KDM5A: variants seen among roughly 807,000 people sequenced by gnomAD.
KDM5A encodes lysine-specific demethylase 5A.
A neutral mutation model predicts 193.5 loss-of-function variants in KDM5A; 42 were observed. The ratio of observed to expected loss-of-function variants is 0.22; its 90% confidence interval spans 0.17 to 0.28. KDM5A has a LOEUF of 0.28. Among genes scored for constraint, KDM5A ranks in the 10% least tolerant of loss-of-function variants. The pLI is 1.00. For missense variants in KDM5A, 1,692 were observed against 2,055.1 expected, an observed-to-expected ratio of 0.82 and a Z score of 3.42; for synonymous variants, 796 against 718.1, an observed-to-expected ratio of 1.11 and a Z score of -1.73.
At chr12:352,408 T>A in intron 8 of KDM5A, 84 bp from the exon 9 acceptor site, 1 of 1,251,054 alleles carries the variant, frequency 8.0e-7, no homozygotes, top group African/African-American at 1.5e-5. Context: ...AATTCTTTGA[T>A]CATTTCCCTA....
intron 24 of KDM5A, among the ~76,000 whole-genome samples, chr12:302,059 G>T (rs947570119): frequency 6.6e-6 from 1 of 152,148 alleles, no homozygotes; most frequent in Admixed American, 6.5e-5. Context: ...CATGCTCATG[G>T]GTAGGAAGAA....
At chr12:382,450 C>T (rs1291090969) in intron 3 of KDM5A, among the ~76,000 whole-genome samples, 2 of 145,276 alleles carry the variant, frequency 1.4e-5, no homozygotes, top group East Asian at 2.1e-4. Context: ...GCAACAAGGG[C>T]GTGACTCCAT....
intron 3 of KDM5A, among the ~76,000 whole-genome samples, chr12:373,126 T>C (rs1382896721): frequency 6.6e-6 from 1 of 152,202 alleles, no homozygotes; most frequent in Non-Finnish European, 1.5e-5. Context: ...TAGGGAGAAT[T>C]CCCTCTTGTT....
chr12:388,781 A>T, intron 1 of KDM5A, 146 bp downstream of exon 1: 1 of 1,033,468 alleles, frequency 9.7e-7, no homozygotes, highest in Non-Finnish European at 1.5e-6. Flanking sequence ...AAAGAAACCG[A>T]GGCAAAAACA....
At chr12:352,514 T>C (rs1171701457) in intron 8 of KDM5A, among the ~76,000 whole-genome samples, 190 bp from the exon 9 acceptor site, 1 of 152,226 alleles carries the variant, frequency 6.6e-6, no homozygotes, top group Non-Finnish European at 1.5e-5. Flanking sequence ...TCAACTTCAC[T>C]GTCACAGCCT....
intron 10 of KDM5A, among the ~76,000 whole-genome samples, chr12:335,750 CAG>C (rs1324468107): frequency 6.6e-6 from 1 of 152,006 alleles, no homozygotes; most frequent in Non-Finnish European, 1.5e-5. Flanking sequence ...TTAAGAGTCA[CAG>C]AGAGGCGGGC....
intron 24 of KDM5A, among the ~76,000 whole-genome samples, chr12:305,521 G>T (rs1318752485): frequency 1.3e-5 from 2 of 152,214 alleles, no homozygotes; most frequent in East Asian, 3.9e-4. Flanking sequence ...ATAGTGAAGG[G>T]GTAGGAACAG....
chr12:365,807 A>C (rs1944349830), intron 4 of KDM5A, 127 bp downstream of exon 4: 1 of 735,086 alleles, frequency 1.4e-6, no homozygotes, highest in African/African-American at 1.7e-5. Context: ...TATGATTTTT[A>C]CACTATGATA....
Position 292,794 on chromosome 12 carries a change from C to G in KDM5A, c.4831G>C (p.Ala1611Pro), listed in dbSNP as rs200109736. 1 of 1,614,158 alleles carries G rather than the reference C, an allele frequency of 6.2e-7. No individual in the cohort carries two copies. The highest frequency in any genetic ancestry group is 1.7e-5 in the Admixed American group (1 of 60,028). The change falls in exon 27 of 28, where the codon GCA (alanine) becomes CCA (proline). Residue 1611 changes from alanine to proline, a missense_variant. Physicochemically the swap from Ala to Pro is conservative, Grantham distance 27 (BLOSUM62 -1). This residue lies in a region of KDM5A where 965 missense variants were observed against 1,061.0 expected (regional missense o/e 0.91). Transcript: ENST00000399788. ...CAGGGCCTTTGGCAGTTCTGTGCTG[C>G]GCACACAGCATTCTCATCATCAGAC... ...EESDDENAVCAAQNCQRPCKD... is the reference protein window; with the variant it reads ...EESDDENAVCPAQNCQRPCKD...
intron 3 of KDM5A, among the ~76,000 whole-genome samples, chr12:378,776 G>A (rs1028319095): frequency 6.7e-6 from 1 of 150,286 alleles, no homozygotes; most frequent in Non-Finnish European, 1.5e-5. Flanking sequence ...GGCTAACAGG[G>A]TGAAACCCCG....
At chr12:330,999 G>A (rs1258149326) in intron 13 of KDM5A, among the ~76,000 whole-genome samples, 1 of 151,792 alleles carries the variant, frequency 6.6e-6, no homozygotes, top group Non-Finnish European at 1.5e-5. Context: ...TCATACAAAA[G>A]CAAAATAGCA....
rs1429018532 is a variant in KDM5A at position 316,571 on chromosome 12, T to C, written c.2897+1535A>G. 3.0e-5 allele frequency among the ~76,000 whole-genome samples: 4 copies of C among 131,278 alleles called. No individual in the cohort carries two copies. The South Asian group carries it at 7.6e-4, about 25-fold the overall frequency. The allele number at this position is 131,278 out of a possible 152,430, so 86.1% of individuals were successfully genotyped here. On this transcript the variant is annotated intron_variant, in intron 19 of 27. Coordinates refer to ENST00000399788, the MANE Select transcript of KDM5A (RefSeq NM_001042603.3). ...GGGAAAACAAAGTTTTTAACTATTA[T>C]TACCACGAAATTTCATTTGGTGGCC...
chr12:296,187 G>A (rs1943369914), intron 25 of KDM5A, among the ~76,000 whole-genome samples: 1 of 151,992 alleles, frequency 6.6e-6, no homozygotes. Context: ...AAGCGTGGTG[G>A]CGCATGCCTA....
At chr12:286,393 T>C (rs187696454) in intron 27 of KDM5A, among the ~76,000 whole-genome samples, 1 of 152,330 alleles carries the variant, frequency 6.6e-6, no homozygotes, top group Non-Finnish European at 1.5e-5. Context: ...TAGGAAGGGA[T>C]TGTAGTTTGG....
At chr12:316,905 T>A (rs981830985) in intron 19 of KDM5A, among the ~76,000 whole-genome samples, 2 of 152,210 alleles carry the variant, frequency 1.3e-5, no homozygotes, top group Non-Finnish European at 2.9e-5. Flanking sequence ...CACAGAGGTA[T>A]TGAAATGAAG....
intron 18 of KDM5A, among the ~76,000 whole-genome samples, chr12:319,668 T>G (rs1943692192): frequency 5.3e-5 from 8 of 151,920 alleles, no homozygotes; most frequent in Admixed American, 5.2e-4. Flanking sequence ...GTGGGAGGAT[T>G]GCTTGAGACT....
At chr12:347,061 A>G (rs1486735742) in intron 10 of KDM5A, among the ~76,000 whole-genome samples, 1 of 152,246 alleles carries the variant, frequency 6.6e-6, no homozygotes, top group Non-Finnish European at 1.5e-5. Context: ...AAGCAACTTC[A>G]GCAAAGTCTC....
At chr12:328,223 A>G (rs754387730) in intron 14 of KDM5A, among the ~76,000 whole-genome samples, 3 of 152,224 alleles carry the variant, frequency 2.0e-5, no homozygotes, top group South Asian at 2.1e-4. Flanking sequence ...ACAGAGCAGA[A>G]TATCAGGCAG....
At chr12:315,992 A>G (rs1943646939) in intron 19 of KDM5A, among the ~76,000 whole-genome samples, 1 of 152,176 alleles carries the variant, frequency 6.6e-6, no homozygotes, top group Non-Finnish European at 1.5e-5. Flanking sequence ...TTCCAGAGAG[A>G]CTGTACAGAG....
Sources: gnomAD v4.1 joint callset for allele counts (sites outside exome capture counted in the v4.1 genomes callset) on GRCh38, gnomAD v4.1.1 for gene constraint, gnomAD v4.1.1 regional missense constraint, MANE v1.5 for transcripts, NCBI Gene and HGNC (gene_info 2026-07-23, HGNC 2026-07-21) for gene names.